KCNMA1: variants seen among roughly 807,000 people sequenced by gnomAD.
KCNMA1 encodes the protein Calcium-activated potassium channel subunit alpha-1.
A neutral mutation model predicts 140.0 loss-of-function variants in KCNMA1; 29 were observed. The ratio of observed to expected loss-of-function variants is 0.21; its 90% confidence interval spans 0.15 to 0.28. The LOEUF (loss-of-function observed/expected upper bound fraction) is 0.28. KCNMA1 is among the 10% of genes least tolerant of loss of function. The pLI, the probability that KCNMA1 is intolerant of heterozygous loss-of-function variation, is 1.00. For missense variants in KCNMA1, 880 were observed against 1,602.2 expected (o/e 0.55, Z 7.70); for synonymous variants, 612 against 611.9 (o/e 1.00, Z 0.00).
intron 1 of KCNMA1, among the ~76,000 whole-genome samples, chr10:77,486,254 C>T (rs1316471047): frequency 1.3e-5 from 2 of 152,150 alleles, no homozygotes; most frequent in Non-Finnish European, 2.9e-5. Flanking sequence ...CTCACCTCAT[C>T]TCCTCCCTCC....
intron 1 of KCNMA1, among the ~76,000 whole-genome samples, chr10:77,631,167 T>C (rs1018163395): frequency 1.3e-4 from 20 of 150,426 alleles, no homozygotes; most frequent in African/African-American, 4.6e-4. Flanking sequence ...TCTCCAGTCC[T>C]TGGAGATAAA....
chr10:77,508,224 G>A (rs2046842010), intron 1 of KCNMA1, among the ~76,000 whole-genome samples: 1 of 152,114 alleles, frequency 6.6e-6, no homozygotes, highest in South Asian at 2.1e-4. Flanking sequence ...CACCCAGCCG[G>A]CAATGCAGTG....
chr10:77,588,609 C>A lies in KCNMA1; in HGVS notation c.378+48656G>T, dbSNP rs147506384. 2.0e-5 allele frequency among the ~76,000 whole-genome samples: 3 copies of A among 152,164 alleles called. No homozygotes were observed. In the South Asian group the frequency reaches 6.2e-4, roughly 32 times the overall value. Reference sequence around the variant, plus strand: ...CCTGGATTGAAACCATCAGGAAGACCGGAAGCTGGGCCCAAGGTTCTAGTA... The same window carrying A: ...CCTGGATTGAAACCATCAGGAAGACAGGAAGCTGGGCCCAAGGTTCTAGTA... On this transcript the variant is annotated intron_variant, in intron 1 of 27. Transcript: ENST00000286628.
intron 2 of KCNMA1, among the ~76,000 whole-genome samples, chr10:77,319,080 T>C (rs188971099): frequency 9.3e-4 from 142 of 152,248 alleles, no homozygotes; most frequent in African/African-American, 3.3e-3. Flanking sequence ...TAAGAAACCA[T>C]CCTTGACCTT....
At chr10:77,346,192 A>G (rs1037472226) in intron 2 of KCNMA1, among the ~76,000 whole-genome samples, 2 of 152,218 alleles carry the variant, frequency 1.3e-5, no homozygotes, top group African/African-American at 4.8e-5. Context: ...GTTAGCCCCA[A>G]GTGATGCTTT....
At chr10:76,939,500 C>A (rs2061457675) in intron 23 of KCNMA1, 1 of 152,162 alleles carries the variant, frequency 6.6e-6, no homozygotes, top group Non-Finnish European at 1.5e-5. Flanking sequence ...CTATTTCTAG[C>A]CTCGTCCTTG....
At chr10:77,237,022 G>T (rs1371097870) in intron 3 of KCNMA1, among the ~76,000 whole-genome samples, 2 of 152,146 alleles carry the variant, frequency 1.3e-5, no homozygotes, top group Admixed American at 6.5e-5. Context: ...AGAAGCACAG[G>T]TCTCGTCCAT....
chr10:76,990,036 G>A (rs369690217), intron 19 of KCNMA1, among the ~76,000 whole-genome samples: 50 of 152,158 alleles, frequency 3.3e-4, no homozygotes, highest in African/African-American at 1.1e-3. Context: ...CACTGAATTC[G>A]TGCAACCACT....
intron 19 of KCNMA1, among the ~76,000 whole-genome samples, chr10:76,990,148 G>A (rs768492871): frequency 6.6e-6 from 1 of 152,306 alleles, no homozygotes; most frequent in Non-Finnish European, 1.5e-5. Context: ...AGGACATGAT[G>A]TCTATGCTGG....
chr10:77,458,527 T>C (rs2097796395), intron 1 of KCNMA1, among the ~76,000 whole-genome samples: 1 of 152,252 alleles, frequency 6.6e-6, no homozygotes, highest in African/African-American at 2.4e-5. Flanking sequence ...CACACATGCA[T>C]GGTAGAGATT....
chr10:77,453,824 AC>A (rs2097708308), intron 1 of KCNMA1, among the ~76,000 whole-genome samples: 1 of 152,044 alleles, frequency 6.6e-6, no homozygotes, highest in African/African-American at 2.4e-5. Context: ...GGAGAGAAAC[AC>A]CCTAAAGGAG....
rs148160451 is a variant in KCNMA1, at chr10:77,625,043, T to A, written c.378+12222A>T. On this transcript the variant is annotated intron_variant, in intron 1 of 27. Coordinates refer to ENST00000286628, the MANE Select transcript of KCNMA1 (RefSeq NM_001161352.2). ...TGGAGGGGGAATTTGGAGGAATGTT[T>A]TTCCCTTTTCTCAAATGTTTATTTA... 3.9e-5 allele frequency among the ~76,000 whole-genome samples: 6 copies of A among 152,226 alleles called. No homozygotes were observed. In the East Asian group the frequency reaches 1.2e-3, roughly 29 times the overall value.
chr10:77,096,487 G>A (rs536850166), intron 9 of KCNMA1, among the ~76,000 whole-genome samples: 28 of 152,310 alleles, frequency 1.8e-4, no homozygotes, highest in East Asian at 1.5e-3. Flanking sequence ...AAAGAGAAGG[G>A]ATGGCAGCAA....
intron 1 of KCNMA1, among the ~76,000 whole-genome samples, chr10:77,506,154 G>C (rs751072464): frequency 6.6e-6 from 1 of 152,132 alleles, no homozygotes; most frequent in African/African-American, 2.4e-5. Flanking sequence ...TCACTCTTTG[G>C]TGACTAACCC....
intron 1 of KCNMA1, among the ~76,000 whole-genome samples, chr10:77,590,352 C>T (rs992430252): frequency 2.0e-5 from 3 of 152,210 alleles, no homozygotes; most frequent in Non-Finnish European, 4.4e-5. Flanking sequence ...CTCGGGGAGG[C>T]TCGGGCAGCA....
chr10:77,263,234 T>A (rs1242649592), intron 2 of KCNMA1, among the ~76,000 whole-genome samples: 3 of 152,162 alleles, frequency 2.0e-5, no homozygotes, highest in African/African-American at 7.2e-5. Context: ...ATTTCCAGAA[T>A]CTATCCCCAT....
chr10:77,636,782 T>C (rs1365670951), intron 1 of KCNMA1: 9 of 1,456,506 alleles, frequency 6.2e-6, no homozygotes, highest in Non-Finnish European at 8.1e-6. Flanking sequence ...CCCTTCTTTC[T>C]GACCCCACGA....
At chr10:77,061,939 G>A (rs1032748175) in intron 14 of KCNMA1, among the ~76,000 whole-genome samples, 1 of 152,138 alleles carries the variant, frequency 6.6e-6, no homozygotes, top group Non-Finnish European at 1.5e-5. Flanking sequence ...TTACATGACA[G>A]ACTTGAAAAG....
intron 22 of KCNMA1, among the ~76,000 whole-genome samples, chr10:76,945,751 G>A (rs1212275576): frequency 6.6e-6 from 1 of 151,308 alleles, no homozygotes; most frequent in Non-Finnish European, 1.5e-5. Flanking sequence ...AGATAGAGGG[G>A]GAAGTGAAAA....
Sources: allele counts gnomAD v4.1 joint callset (sites outside exome capture counted in the v4.1 genomes callset), GRCh38; gene constraint gnomAD v4.1.1; transcripts MANE v1.5; gene names NCBI Gene and HGNC (gene_info 2026-07-23, HGNC 2026-07-21).